Variants in TEAD1 observed in about 807,000 individuals in gnomAD.
The protein encoded by TEAD1 is TEA domain transcription factor 1, also known as transcriptional enhancer factor TEF-1.
In TEAD1, 9 loss-of-function variants were observed where a neutral mutation model predicts 54.9. The ratio of observed to expected loss-of-function variants is 0.16; its 90% CI spans 0.10 to 0.29. The LOEUF is 0.29. Ranked by LOEUF, TEAD1 falls within the 10% of genes least tolerant of loss-of-function variation. The pLI, the probability that TEAD1 is intolerant of heterozygous loss-of-function variation, is 1.00. For missense variants in TEAD1, 387 were observed against 535.9 expected (o/e 0.72, Z 2.74); for synonymous variants, 200 against 187.8 (o/e 1.07, Z -0.53).
chr11:12,889,945 C>T (rs937133515), intron 9 of TEAD1, among the ~76,000 whole-genome samples: 1 of 152,108 alleles, frequency 6.6e-6, no homozygotes, highest in African/African-American at 2.4e-5. Flanking sequence ...TGGTCTTGAA[C>T]TCCTGGGCTC....
At chr11:12,724,327 A>T (rs1257508714) in intron 2 of TEAD1, among the ~76,000 whole-genome samples, 1 of 152,198 alleles carries the variant, frequency 6.6e-6, no homozygotes, top group Non-Finnish European at 1.5e-5. Flanking sequence ...TCGAGGCTCG[A>T]TTTCAATTTA....
At chr11:12,715,885 A>G (rs1410226402) in intron 2 of TEAD1, among the ~76,000 whole-genome samples, 1 of 151,980 alleles carries the variant, frequency 6.6e-6, no homozygotes, top group Non-Finnish European at 1.5e-5. Context: ...TAGCAATCTC[A>G]CCTCTAGGGG....
At chr11:12,900,689 A>G (rs1035755734) in intron 9 of TEAD1, among the ~76,000 whole-genome samples, 1 of 152,062 alleles carries the variant, frequency 6.6e-6, no homozygotes, top group Non-Finnish European at 1.5e-5. Context: ...CATGGACTGT[A>G]CATTCTTAAC....
At chr11:12,699,959 A>G (rs1943662737) in intron 2 of TEAD1, among the ~76,000 whole-genome samples, 1 of 152,202 alleles carries the variant, frequency 6.6e-6, no homozygotes, top group Non-Finnish European at 1.5e-5. Context: ...AGTTGGTGTG[A>G]ATTCATTGTG....
chr11:12,747,450 T>C (rs1250729736), intron 2 of TEAD1, among the ~76,000 whole-genome samples: 1 of 152,200 alleles, frequency 6.6e-6, no homozygotes, highest in African/African-American at 2.4e-5. Flanking sequence ...TAATCCTGCC[T>C]CAGCCTCCTG....
intron 2 of TEAD1, among the ~76,000 whole-genome samples, chr11:12,720,573 GAAGGTGAAGGTCTC>G (rs1414145771): frequency 2.0e-5 from 3 of 152,198 alleles, no homozygotes; most frequent in Non-Finnish European, 2.9e-5. Flanking sequence ...CTGAGGCTTG[GAAGGTGAAGGTCTC>G]ATTGTCAGAA....
At chr11:12,842,491 G>A (rs140128817) in intron 3 of TEAD1, among the ~76,000 whole-genome samples, 16 of 152,266 alleles carry the variant, frequency 1.1e-4, no homozygotes, top group African/African-American at 3.1e-4. Flanking sequence ...GTGAACTTCC[G>A]GAGATACTCT....
At chr11:12,798,245 C>T (rs949227006) in intron 3 of TEAD1, among the ~76,000 whole-genome samples, 3 of 152,182 alleles carry the variant, frequency 2.0e-5, no homozygotes, top group Admixed American at 2.0e-4. Context: ...CTTTTCCTGT[C>T]TTTGGAGCTT....
chr11:12,685,006 C>T lies in TEAD1; in HGVS notation c.-55+9445C>T, dbSNP rs562001681. 1.2e-4 allele frequency among the ~76,000 whole-genome samples: 18 copies of T among 152,280 alleles called. No homozygotes were observed. In the East Asian group the frequency reaches 2.7e-3, roughly 23 times the overall value. On this transcript the variant is annotated intron_variant, in intron 2 of 12. Transcript: ENST00000527636. ...ACCTTGTGTTTTCGAAGTCAGCTGG[C>T]TTAAGCTGGTCCTGCTCTGCTCACA... is the stretch of plus-strand genomic sequence containing the variant.
intron 2 of TEAD1, among the ~76,000 whole-genome samples, chr11:12,724,496 G>A (rs562276075): frequency 6.6e-6 from 1 of 152,218 alleles, no homozygotes; most frequent in African/African-American, 2.4e-5. Context: ...ATGAAGAGGG[G>A]CAGGCCGCTG....
intron 2 of TEAD1, among the ~76,000 whole-genome samples, chr11:12,758,267 G>GT (rs1230264285): frequency 1.3e-5 from 2 of 149,692 alleles, no homozygotes. Flanking sequence ...TTGTGATGGA[G>GT]TCTCACTCTG....
chr11:12,788,967 C>G (rs112849490), intron 3 of TEAD1, among the ~76,000 whole-genome samples: 292 of 152,308 alleles, frequency 1.9e-3, no homozygotes, highest in African/African-American at 6.3e-3. Flanking sequence ...CCACGCTGGT[C>G]TCAAGCCCCT....
At chr11:12,769,231 A>AG in intron 3 of TEAD1, among the ~76,000 whole-genome samples, 1 of 152,180 alleles carries the variant, frequency 6.6e-6, no homozygotes, top group Non-Finnish European at 1.5e-5. Context: ...AGCGAAGATG[A>AG]GGGGGAGGGT....
chr11:12,708,603 T>C (rs1943868830), intron 2 of TEAD1, among the ~76,000 whole-genome samples: 1 of 152,110 alleles, frequency 6.6e-6, no homozygotes, highest in African/African-American at 2.4e-5. Flanking sequence ...ACTGGACATT[T>C]TCACTTCACA....
intron 2 of TEAD1, among the ~76,000 whole-genome samples, chr11:12,710,705 C>G (rs1943918439): frequency 6.6e-6 from 1 of 152,128 alleles, no homozygotes; most frequent in South Asian, 2.1e-4. Context: ...AGGTCCTGTT[C>G]TCATGGAGCT....
intron 2 of TEAD1, among the ~76,000 whole-genome samples, chr11:12,683,872 G>A (rs548573009): frequency 3.3e-5 from 5 of 152,248 alleles, no homozygotes; most frequent in Middle Eastern, 3.4e-3. Flanking sequence ...TTGGACACAC[G>A]TTGGCTCAGC....
At chr11:12,717,512 G>A (rs1317156817) in intron 2 of TEAD1, among the ~76,000 whole-genome samples, 1 of 152,192 alleles carries the variant, frequency 6.6e-6, no homozygotes, top group Non-Finnish European at 1.5e-5. Context: ...CATTCTTGCC[G>A]CATGCTGGGA....
At chr11:12,784,025 G>T (rs1383598171) in intron 3 of TEAD1, among the ~76,000 whole-genome samples, 1 of 152,162 alleles carries the variant, frequency 6.6e-6, no homozygotes, top group Non-Finnish European at 1.5e-5. Context: ...TAAGGAGGCT[G>T]ACACTACAAC....
At chr11:12,710,234 G>T (rs1400084673) in intron 2 of TEAD1, among the ~76,000 whole-genome samples, 1 of 152,098 alleles carries the variant, frequency 6.6e-6, no homozygotes, top group Non-Finnish European at 1.5e-5. Flanking sequence ...TGAGGCAGGA[G>T]AATTGCTTGA....
Sources: gnomAD v4.1 joint callset for allele counts (sites outside exome capture counted in the v4.1 genomes callset) on GRCh38, gnomAD v4.1.1 for gene constraint, MANE v1.5 for transcripts, NCBI Gene and HGNC (gene_info 2026-07-23, HGNC 2026-07-21) for gene names.